POLN: variants seen among roughly 807,000 people sequenced by gnomAD.
POLN encodes the protein DNA polymerase N.
In POLN, 108 loss-of-function variants were observed where a neutral mutation model predicts 113.5. The observed-to-expected ratio is 0.95, with a 90% CI of 0.81 to 1.12. POLN has a LOEUF of 1.12. POLN is among the 50% of genes most tolerant of loss of function. The pLI, the probability that POLN is intolerant of heterozygous loss-of-function variation, is 0.00. For missense variants in POLN, 1,097 were observed against 1,077.1 expected, an observed-to-expected ratio of 1.02 and a Z score of -0.26; for synonymous variants, 386 against 391.5, an observed-to-expected ratio of 0.99 and a Z score of 0.17.
intron 6 of POLN, among the ~76,000 whole-genome samples, chr4:2,196,926 T>C (rs930744305): frequency 9.2e-5 from 14 of 152,236 alleles, no homozygotes; most frequent in African/African-American, 3.1e-4. Flanking sequence ...ACCAGGCCCT[T>C]GGGTAGAGGC....
chr4:2,075,667 A>T, intron 23 of POLN, 148 bp from the exon 24 acceptor site: 1 of 779,972 alleles, frequency 1.3e-6, no homozygotes, highest in Non-Finnish European at 2.1e-6. Flanking sequence ...GCCCATCCCC[A>T]AGGTTTCTGA....
At chr4:2,195,038 T>G (rs908444263) in intron 6 of POLN, among the ~76,000 whole-genome samples, 2 of 152,032 alleles carry the variant, frequency 1.3e-5, no homozygotes, top group African/African-American at 4.8e-5. Flanking sequence ...AGAGAGAATG[T>G]GAAGGTGAAG....
intron 4 of POLN, 30 bp downstream of exon 4, chr4:2,213,017 T>G (rs1734030413): frequency 6.7e-7 from 1 of 1,497,390 alleles, no homozygotes; most frequent in Admixed American, 1.8e-5. Flanking sequence ...AGTTATCTAT[T>G]TAAAATTACT....
chr4:2,115,706 G>A (rs1469826462), intron 19 of POLN, among the ~76,000 whole-genome samples: 1 of 152,088 alleles, frequency 6.6e-6, no homozygotes, highest in Non-Finnish European at 1.5e-5. Context: ...TCCTAAAAAG[G>A]ACACACCACT....
chr4:2,077,915 T>C (rs2108687633), intron 23 of POLN, among the ~76,000 whole-genome samples: 1 of 151,978 alleles, frequency 6.6e-6, no homozygotes, highest in Admixed American at 6.6e-5. Flanking sequence ...CGGAAGGGAG[T>C]GGACCTCTGG....
At chr4:2,097,628 G>GT (rs1340076956) in intron 19 of POLN, among the ~76,000 whole-genome samples, 2 of 152,060 alleles carry the variant, frequency 1.3e-5, no homozygotes, top group African/African-American at 4.8e-5. Context: ...GATTACAGGC[G>GT]TGAGCCACCG....
chr4:2,151,136 TC>T (rs1732285697), intron 16 of POLN, among the ~76,000 whole-genome samples: 1 of 152,040 alleles, frequency 6.6e-6, no homozygotes, highest in Non-Finnish European at 1.5e-5. Flanking sequence ...AAATAAGCAG[TC>T]CCTTTAAAAT....
At chr4:2,234,717 T>C (rs1434271118) in intron 2 of POLN, among the ~76,000 whole-genome samples, 1 of 151,932 alleles carries the variant, frequency 6.6e-6, no homozygotes, top group African/African-American at 2.4e-5. Flanking sequence ...CAAAACAATA[T>C]CAAGAGAAAA....
chr4:2,075,627 G>A (rs556134896), intron 23 of POLN, 108 bp from the exon 24 acceptor site: 21 of 1,147,004 alleles, frequency 1.8e-5, no homozygotes, highest in African/African-American at 1.7e-4. Context: ...ACTGTGAGGC[G>A]GGGGCTCAGG....
At position 2,208,168 on chromosome 4, in the gene POLN, G is replaced by A. The variant is rs1733900949; in HGVS notation, c.533C>T (p.Thr178Ile). Reference sequence around the variant, plus strand: ...ATTTAGGTAGCCTTCGGCGTCATCAGTATCTTCTTCCAATGCCATTTGTTT... The same window carrying A: ...ATTTAGGTAGCCTTCGGCGTCATCAATATCTTCTTCCAATGCCATTTGTTT... ...TSKQMALEED[T>I]DDAEGYLNSG... Residue 178 changes from threonine to isoleucine, a missense_variant, in exon 5 of 26, where the codon ACT becomes ATT. Transcript: ENST00000511885. 1 of 1,613,882 alleles carries A rather than the reference G, an allele frequency of 6.2e-7. No homozygotes were observed. The highest frequency in any genetic ancestry group is 8.5e-7 in the Non-Finnish European group (1 of 1,179,800).
At chr4:2,142,311 A>G (rs1732022457) in intron 16 of POLN, among the ~76,000 whole-genome samples, 1 of 152,254 alleles carries the variant, frequency 6.6e-6, no homozygotes. Flanking sequence ...TAGAGGCCTC[A>G]GCCCTACTGG....
chr4:2,134,501 C>T (rs1225422414), intron 16 of POLN, among the ~76,000 whole-genome samples: 2 of 152,304 alleles, frequency 1.3e-5, no homozygotes, highest in African/African-American at 4.8e-5. Context: ...ACACCCTCAC[C>T]AATTAATAAT....
intron 19 of POLN, among the ~76,000 whole-genome samples, chr4:2,121,631 G>A (rs954829562): frequency 1.3e-5 from 2 of 151,818 alleles, no homozygotes; most frequent in South Asian, 2.1e-4. Flanking sequence ...CTAAATTGTT[G>A]AATTGTTATA....
At chr4:2,185,809 CTG>C (rs1733259377) in intron 7 of POLN, among the ~76,000 whole-genome samples, 1 of 151,974 alleles carries the variant, frequency 6.6e-6, no homozygotes, top group South Asian at 2.1e-4. Context: ...TTAAAACAAA[CTG>C]TAAAAAAACA....
intron 13 of POLN, among the ~76,000 whole-genome samples, chr4:2,166,777 G>A (rs1028479151): frequency 3.9e-5 from 6 of 152,134 alleles, no homozygotes; most frequent in Non-Finnish European, 1.5e-5. Context: ...TGGACTCAGA[G>A]TTACACCGTC....
chr4:2,240,128 T>A (rs1734917786), intron 2 of POLN: 2 of 1,614,024 alleles, frequency 1.2e-6, no homozygotes, highest in Non-Finnish European at 8.5e-7. Context: ...TTAACTGATG[T>A]TGAGCACAAA....
chr4:2,215,066 C>CAACAGTAAACAGTA (rs973444281), intron 3 of POLN, among the ~76,000 whole-genome samples: 10 of 152,008 alleles, frequency 6.6e-5, no homozygotes, highest in African/African-American at 2.2e-4. Context: ...GAAATATATG[C>CAACAGTAAACAGTA]AACAGTAAAC....
intron 17 of POLN, among the ~76,000 whole-genome samples, chr4:2,130,281 A>AGAGGGGAGGAGAGGG (rs1731691102): frequency 2.5e-5 from 2 of 81,100 alleles, no homozygotes; most frequent in Non-Finnish European, 4.8e-5. Context: ...AGAGGGGAGG[A>AGAGGGGAGGAGAGGG]GAGGGGAGGA....
chr4:2,207,911 T>A, intron 5 of POLN, 76 bp downstream of exon 5: 1 of 1,484,914 alleles, frequency 6.7e-7, no homozygotes, highest in South Asian at 1.4e-5. Context: ...AGCTCTCCTA[T>A]CAAAATCTGA....
Sources: gnomAD v4.1 joint callset for allele counts (sites outside exome capture counted in the v4.1 genomes callset) on GRCh38, gnomAD v4.1.1 for gene constraint, MANE v1.5 for transcripts, NCBI Gene and HGNC (gene_info 2026-07-23, HGNC 2026-07-21) for gene names.